Variants in UBR3 observed in about 807,000 individuals in gnomAD.
UBR3 encodes E3 ubiquitin-protein ligase UBR3.
In UBR3, 85 loss-of-function variants were observed where a neutral mutation model predicts 243.2. The ratio of observed to expected loss-of-function variants is 0.35; its 90% CI spans 0.29 to 0.42. The LOEUF (loss-of-function observed/expected upper bound fraction) is 0.42. Among genes scored for constraint, UBR3 ranks in the 10% least tolerant of loss-of-function variants. The pLI, the probability that UBR3 is intolerant of heterozygous loss-of-function variation, is 1.00. For synonymous variants in UBR3, 748 were observed against 799.8 expected (o/e 0.94, Z 1.09); for missense variants, 1,686 against 2,300.8 (o/e 0.73, Z 5.47).
At chr2:170,065,957 T>C (rs958524940) in intron 35 of UBR3, among the ~76,000 whole-genome samples, 10 of 150,054 alleles carry the variant, frequency 6.7e-5, no homozygotes, top group Non-Finnish European at 1.0e-4. Context: ...AAAATGCTTC[T>C]ACGTATCCCG....
intron 32 of UBR3, among the ~76,000 whole-genome samples, chr2:170,042,688 C>CAAAA (rs59694680): frequency 3.3e-5 from 3 of 91,530 alleles, no homozygotes; most frequent in African/African-American, 4.4e-5. Context: ...TACTCTGCCT[C>CAAAA]AAAAAAAAAA....
At chr2:169,943,276 A>G (rs960532238) in intron 20 of UBR3, among the ~76,000 whole-genome samples, 11 of 152,192 alleles carry the variant, frequency 7.2e-5, no homozygotes, top group African/African-American at 2.7e-4. Context: ...ATGTGTGTAT[A>G]TAATAGGGAT....
intron 1 of UBR3, among the ~76,000 whole-genome samples, chr2:169,842,638 G>A (rs1303871077): frequency 6.6e-6 from 1 of 151,832 alleles, no homozygotes; most frequent in Admixed American, 6.6e-5. Context: ...CTCCAGACGC[G>A]CTGCCTTAAG....
At chr2:169,860,888 G>C (rs115232899) in intron 1 of UBR3, among the ~76,000 whole-genome samples, 6,768 of 152,250 alleles carry the variant, frequency 0.044, 223 homozygotes, top group East Asian at 0.12. Flanking sequence ...AACCTCGAAA[G>C]TAGAGAAGCC....
intron 17 of UBR3, 104 bp downstream of exon 17, chr2:169,927,509 G>A: frequency 3.6e-6 from 3 of 841,416 alleles, no homozygotes; most frequent in South Asian, 2.2e-5. Context: ...TTTCAAAGTT[G>A]AAAAATAATA....
chr2:170,021,629 GT>G (rs1307123877), intron 30 of UBR3, among the ~76,000 whole-genome samples: 3 of 151,972 alleles, frequency 2.0e-5, no homozygotes. Flanking sequence ...GTCCATTGCA[GT>G]TTTTTTTAAG....
chr2:170,015,882 G>A (rs578126643), intron 30 of UBR3, among the ~76,000 whole-genome samples: 2 of 151,948 alleles, frequency 1.3e-5, no homozygotes, highest in Non-Finnish European at 3.0e-5. Context: ...TTTGAGAGAA[G>A]TGTAATTTGT....
At chr2:169,972,505 A>G (rs2088208538) in intron 24 of UBR3, among the ~76,000 whole-genome samples, 1 of 152,246 alleles carries the variant, frequency 6.6e-6, no homozygotes, top group Non-Finnish European at 1.5e-5. Flanking sequence ...CATTGATGCA[A>G]AAATCCTCAA....
intron 1 of UBR3, among the ~76,000 whole-genome samples, chr2:169,842,412 A>C (rs1172489827): frequency 6.6e-6 from 1 of 152,154 alleles, no homozygotes; most frequent in Non-Finnish European, 1.5e-5. Context: ...GCCAGATAAG[A>C]GAATAAAAGC....
chr2:169,949,076 A>C (rs2086904098), intron 22 of UBR3, among the ~76,000 whole-genome samples: 1 of 152,024 alleles, frequency 6.6e-6, no homozygotes, highest in Non-Finnish European at 1.5e-5. Flanking sequence ...CTTATATTTC[A>C]ATTTAGTAAC....
chr2:170,013,715 GTTGACATTCTGGTT>G (rs1316508120), intron 29 of UBR3: 12 of 174,832 alleles, frequency 6.9e-5, no homozygotes, highest in Non-Finnish European at 7.8e-5. Context: ...ATGGTGAAAT[GTTGACATTCTGGTT>G]TTGACATTCA....
intron 19 of UBR3, among the ~76,000 whole-genome samples, chr2:169,937,198 T>C (rs2086372160): frequency 6.6e-6 from 1 of 152,236 alleles, no homozygotes; most frequent in Non-Finnish European, 1.5e-5. Flanking sequence ...TGATCGCCAT[T>C]CTAACTGGTG....
At position 169,842,491 on chromosome 2, in the gene UBR3, A is replaced by G. The variant is rs560696042; in HGVS notation, c.545+14439A>G. Reference sequence around the variant, plus strand: ...CACACTGTGGAAGCTTTGTTCTTTCACTCTTTGCAATAAATCTTGCTACTG... The same window carrying G: ...CACACTGTGGAAGCTTTGTTCTTTCGCTCTTTGCAATAAATCTTGCTACTG... On this transcript the variant is annotated intron_variant, in intron 1 of 38. Transcript: ENST00000272793. Among the ~76,000 whole-genome samples the G allele has an allele frequency of 7.3e-3, 1,106 of 151,774 alleles. 23 individuals are homozygous for G. The highest frequency in any genetic ancestry group is 0.025 in the African/African-American group (1,030 of 41,344).
intron 18 of UBR3, among the ~76,000 whole-genome samples, chr2:169,930,371 G>A (rs2086073714): frequency 6.6e-6 from 1 of 151,862 alleles, no homozygotes; most frequent in Non-Finnish European, 1.5e-5. Flanking sequence ...TGTGGTTTAG[G>A]AAATTAGTTG....
chr2:169,935,714 C>A (rs771523013), intron 19 of UBR3, among the ~76,000 whole-genome samples: 1 of 152,114 alleles, frequency 6.6e-6, no homozygotes, highest in Non-Finnish European at 1.5e-5. Flanking sequence ...TCAATAATTA[C>A]GTGTTGGTTT....
intron 32 of UBR3, among the ~76,000 whole-genome samples, chr2:170,050,600 A>T (rs375855104): frequency 6.6e-6 from 1 of 152,152 alleles, no homozygotes; most frequent in African/African-American, 2.4e-5. Context: ...TTTTGTTGTT[A>T]TTGTAGTTTT....
rs754949367 is a variant in UBR3 at position 169,930,624 on chromosome 2, A to G, written c.2566+1756A>G. On this transcript the variant is annotated intron_variant, in intron 18 of 38. Transcript: ENST00000272793. ...TGGTCTCGACTGTTGGGCTTAAGCAATCCTCCTGCCTCAGCCTCCTAAAGT... is the reference window on the plus strand; with the variant it reads ...TGGTCTCGACTGTTGGGCTTAAGCAGTCCTCCTGCCTCAGCCTCCTAAAGT... Among the ~76,000 whole-genome samples the G allele has an allele frequency of 2.6e-5, 4 of 152,082 alleles. No individual in the cohort carries two copies. The South Asian group carries it at 8.3e-4, about 32-fold the overall frequency.
chr2:169,947,705 G>A lies in UBR3; in HGVS notation c.3074G>A (p.Gly1025Asp), dbSNP rs1381472. Residue 1025 changes from glycine (G) to aspartate (D), a missense_variant, in exon 22 of 39, where the codon GGT (glycine) becomes GAT (aspartate). Physicochemically the swap from Gly to Asp is moderately conservative, Grantham distance 94. Around this residue, in one of 8 missense-constraint regions of UBR3, gnomAD observed 300 missense variants for 314.4 expected, o/e 0.95. Transcript: ENST00000272793. The stretch of plus-strand genomic sequence containing the variant: ...GCAAGTACTAGCTCTGATAACTTGG[G>A]TTCTTTACAAGTAAGTGTAAATGTA... ...SPASTSSDNL[G>D]SLQNSGTAQV... The A allele has an allele frequency of 2.0e-6, 3 of 1,484,206 alleles. No homozygotes were observed. The highest frequency in any genetic ancestry group is 1.8e-6 in the Non-Finnish European group (2 of 1,117,764). 91.9% of individuals were successfully genotyped at this position (1,484,206 alleles called of 1,614,324 possible). A position where few individuals can be genotyped will look rare whatever the true frequency, so the allele number is the denominator to read the frequency against.
chr2:170,046,791 C>A (rs927939547), intron 32 of UBR3, among the ~76,000 whole-genome samples: 1 of 151,924 alleles, frequency 6.6e-6, no homozygotes, highest in Non-Finnish European at 1.5e-5. Flanking sequence ...TGATTTTGTA[C>A]CAGTTTTCAG....
Sources: allele counts gnomAD v4.1 joint callset (sites outside exome capture counted in the v4.1 genomes callset), GRCh38; gene constraint gnomAD v4.1.1; regional missense constraint gnomAD v4.1.1; transcripts MANE v1.5; gene names NCBI Gene and HGNC (gene_info 2026-07-23, HGNC 2026-07-21).